ACSM2B: variants seen among roughly 807,000 people sequenced by gnomAD.
The protein encoded by ACSM2B is acyl-coenzyme A synthetase ACSM2B, mitochondrial.
In ACSM2B, 58 loss-of-function variants were observed where a neutral mutation model predicts 78.6. That is an observed-to-expected ratio of 0.74 (90% CI 0.60 to 0.92). The LOEUF (loss-of-function observed/expected upper bound fraction) is 0.92, where lower values mean the gene tolerates loss of function less well. Ranked by LOEUF, ACSM2B falls within the 40% of genes least tolerant of loss-of-function variation. The pLI is 0.00. For synonymous variants in ACSM2B, 257 were observed against 256.8 expected (o/e 1.00, Z -0.01); for missense variants, 688 against 711.2 (o/e 0.97, Z 0.37).
intron 10 of ACSM2B, chr16:20,544,845 C>T (rs942390441): frequency 1.9e-6 from 2 of 1,029,130 alleles, no homozygotes; most frequent in African/African-American, 3.4e-5. Flanking sequence ...GAAAGGCAGC[C>T]CTTGGGGGAA....
At chr16:20,544,863 G>A in intron 10 of ACSM2B, 1 of 1,068,378 alleles carries the variant, frequency 9.4e-7, no homozygotes, top group South Asian at 4.1e-5. Context: ...GAATGGTGCT[G>A]TGTATAGTTC....
intron 1 of ACSM2B, among the ~76,000 whole-genome samples, chr16:20,567,392 A>G (rs1418088331): frequency 8.4e-6 from 1 of 119,036 alleles, no homozygotes; most frequent in Non-Finnish European, 1.6e-5. Flanking sequence ...ATAATATTAC[A>G]TATACAATAT....
Position 20,553,870 on chromosome 16 carries a change from G to A in ACSM2B, c.647C>T (p.Ser216Phe). 6.2e-7 allele frequency: 1 copy of A among 1,613,952 alleles called. No individual in the cohort carries two copies. The highest frequency in any genetic ancestry group is 8.5e-7 in the Non-Finnish European group (1 of 1,179,872). Reference sequence around the variant, plus strand: ...GGTCCCACTAGTGAAGTAGATGGCAGATGCTTCCTGGCTTCCAGTCTCCAC... The same window carrying A: ...GGTCCCACTAGTGAAGTAGATGGCAAATGCTTCCTGGCTTCCAGTCTCCAC... Reference protein sequence around the residue: ...HCVETGSQEASAIYFTSGTSG... With the variant: ...HCVETGSQEAFAIYFTSGTSG... The change falls in exon 5 of 14, where the codon TCT (serine) becomes TTT (phenylalanine). Residue 216 changes from serine to phenylalanine, a missense_variant. By Grantham distance (155) the Ser-to-Phe change is radical (BLOSUM62 -2). Transcript: ENST00000329697.
In ACSM2B at chr16:20,547,256, T is replaced by A. The variant is rs972743011; in HGVS notation, c.1099-782A>T. 3.3e-5 allele frequency: 33 copies of A among 985,302 alleles called. No individual in the cohort carries two copies. In the African/African-American group the frequency reaches 4.9e-4, roughly 15 times the overall value. 61.0% of individuals were successfully genotyped at this position (985,302 alleles called of 1,614,324 possible). On this transcript the variant is annotated intron_variant, in intron 8 of 13. Coordinates refer to ENST00000329697, the MANE Select transcript of ACSM2B (RefSeq NM_001105069.2). Reference sequence around the variant, plus strand: ...AGCATATTCTAAACATGTCCTCCTCTGAATGGTGGGAGGCCCCTGCCAGGG... The same window carrying A: ...AGCATATTCTAAACATGTCCTCCTCAGAATGGTGGGAGGCCCCTGCCAGGG...
intron 1 of ACSM2B, among the ~76,000 whole-genome samples, chr16:20,565,417 C>T (rs1444089718): frequency 6.6e-6 from 1 of 152,094 alleles, no homozygotes; most frequent in Non-Finnish European, 1.5e-5. Flanking sequence ...GACTGGGACC[C>T]AGAACATCAA....
chr16:20,575,959 A>T (rs150208544), intron 1 of ACSM2B, among the ~76,000 whole-genome samples: 132 of 151,114 alleles, frequency 8.7e-4, no homozygotes, highest in African/African-American at 3.0e-3. Flanking sequence ...ACCACCACCC[A>T]ACTACCAGCC....
intron 6 of ACSM2B, among the ~76,000 whole-genome samples, chr16:20,551,716 C>A (rs2015315311): frequency 6.6e-6 from 1 of 152,136 alleles, no homozygotes; most frequent in Admixed American, 6.5e-5. Context: ...ACTTTACCTT[C>A]AGTTTGTGTG....
chr16:20,547,980 G>T (rs1282960827), intron 8 of ACSM2B, 82 bp downstream of exon 8: 26 of 1,593,198 alleles, frequency 1.6e-5, no homozygotes, highest in Non-Finnish European at 2.2e-5. Context: ...ATGATACATG[G>T]TGGCTAACAT....
intron 8 of ACSM2B, chr16:20,547,353 C>T: frequency 1.0e-6 from 1 of 985,186 alleles, no homozygotes; most frequent in Non-Finnish European, 1.2e-6. Flanking sequence ...TACCACAGAG[C>T]TGCCATCAAC....
chr16:20,551,645 C>A (rs2015313721), intron 6 of ACSM2B, among the ~76,000 whole-genome samples: 1 of 152,078 alleles, frequency 6.6e-6, no homozygotes, highest in Non-Finnish European at 1.5e-5. Flanking sequence ...CTGACTAAGA[C>A]AGTATCTAAC....
intron 12 of ACSM2B, 84 bp from the exon 13 acceptor site, chr16:20,540,857 T>A: frequency 6.4e-7 from 1 of 1,552,236 alleles, no homozygotes; most frequent in Non-Finnish European, 8.8e-7. Context: ...CATTAAGACT[T>A]GCATCACCCT....
intron 4 of ACSM2B, chr16:20,554,315 T>A (rs1321378910): frequency 2.7e-6 from 1 of 371,792 alleles, no homozygotes. Flanking sequence ...TGACACCAAG[T>A]GGACAGGAGG....
chr16:20,537,425 G>C, intron 13 of ACSM2B, 63 bp from the exon 14 acceptor site: 10 of 1,581,700 alleles, frequency 6.3e-6, no homozygotes, highest in Non-Finnish European at 8.7e-6. Flanking sequence ...GCATTTTTCA[G>C]AACTGCTGTA....
chr16:20,559,721 A>AT (rs61486304), intron 2 of ACSM2B, among the ~76,000 whole-genome samples: 2 of 150,472 alleles, frequency 1.3e-5, no homozygotes, highest in Non-Finnish European at 2.9e-5. Flanking sequence ...AGCATGCATA[A>AT]TTTTTTTATA....
At position 20,552,274 on chromosome 16, in the gene ACSM2B, T is replaced by G; in HGVS notation, c.764A>C (p.Asp255Ala). ...DAGWTGLQAS[D>A]IMWTISDTGW... ...TGTGTCTGATATGGTCCACATTATATCAGAGGCTTGCAGGCCTGTCCAACT... is the reference window on the plus strand; with the variant it reads ...TGTGTCTGATATGGTCCACATTATAGCAGAGGCTTGCAGGCCTGTCCAACT... The change falls in exon 6 of 14, where the codon GAT (aspartate) becomes GCT (alanine). Residue 255 changes from aspartate (D) to alanine (A), a missense_variant. Asp to Ala is a moderately radical substitution (Grantham distance 126). Coordinates refer to ENST00000329697, the MANE Select transcript of ACSM2B (RefSeq NM_001105069.2). 1 of 1,613,044 alleles carries G rather than the reference T, an allele frequency of 6.2e-7. No individual in the cohort carries two copies. Among genetic ancestry groups the G allele is most frequent in the African/African-American group, 1.3e-5 (1 of 74,962 alleles).
At position 20,555,395 on chromosome 16, in the gene ACSM2B, A is replaced by G. The variant is rs1567212054; in HGVS notation, c.470T>C (p.Ile157Thr). ...YRLQMSKAKA[I>T]VAGDEVIQEV... ...TTGGATGACTTCATCCCCAGCAACA[A>G]TAGCCTTGGCCTTAGACATCTGCAA... Residue 157 changes from isoleucine (I) to threonine (T), a missense_variant, in exon 4 of 14, where the codon ATT becomes ACT. Coordinates refer to ENST00000329697, the MANE Select transcript of ACSM2B (RefSeq NM_001105069.2). 1 of 1,613,978 alleles carries G rather than the reference A, an allele frequency of 6.2e-7. No homozygotes were observed. Among genetic ancestry groups the G allele is most frequent in the Non-Finnish European group, 8.5e-7 (1 of 1,179,846 alleles).
chr16:20,544,557 T>C (rs552083071), intron 10 of ACSM2B: 1 of 981,032 alleles, frequency 1.0e-6, no homozygotes, highest in South Asian at 4.7e-5. Flanking sequence ...ATTTAGTTTA[T>C]TAGTCAATTA....
Position 20,548,149 on chromosome 16 carries a change from T to C in ACSM2B, c.1011A>G (p.Gly337=). ...GAGTTTCTGGAAGAAGGGACTCCCC[T>C]CCAGCGAGGCAGTTCTGTAGATGGG... ...KFPHLQNCLA[G]GESLLPETLE... Residue 337 remains glycine, a synonymous_variant, in exon 8 of 14, where the codon GGA becomes GGG. Transcript: ENST00000329697. 1.2e-6 allele frequency: 2 copies of C among 1,613,976 alleles called. No individual in the cohort carries two copies. The highest frequency in any genetic ancestry group is 1.7e-6 in the Non-Finnish European group (2 of 1,179,912).
chr16:20,538,005 G>T (rs2014890534), intron 13 of ACSM2B, among the ~76,000 whole-genome samples: 3 of 152,096 alleles, frequency 2.0e-5, no homozygotes, highest in Admixed American at 2.0e-4. Flanking sequence ...TGAAGTTGAG[G>T]ATCCTCTATC....
Sources: allele counts gnomAD v4.1 joint callset (sites outside exome capture counted in the v4.1 genomes callset), GRCh38; gene constraint gnomAD v4.1.1; transcripts MANE v1.5; gene names NCBI Gene and HGNC (gene_info 2026-07-23, HGNC 2026-07-21).